The following GRM6 variants were observed in gnomAD, a reference collection of about 807,000 sequenced individuals.
The protein encoded by GRM6 is metabotropic glutamate receptor 6.
GRM6 carries 73 observed loss-of-function variants against 78.4 expected under a neutral mutation model. The ratio of observed to expected loss-of-function variants is 0.93; its 90% CI spans 0.77 to 1.13. GRM6 has a LOEUF of 1.13. Among genes scored for constraint, GRM6 ranks in the 50% most tolerant of loss-of-function variants. The pLI, the probability that GRM6 is intolerant of heterozygous loss-of-function variation, is 0.00. For synonymous variants in GRM6, 580 were observed against 555.0 expected (o/e 1.05, Z -0.63); for missense variants, 1,251 against 1,256.4 (o/e 1.00, Z 0.07).
rs1236861440 is a variant in GRM6, at chr5:178,991,864, C to T, written c.721+3G>A. ...CCTTGGTGCCTCGGAGCCCCCAGCTCACCAGCCTCTCGGGAGATCTGAACG... is the reference window on the plus strand; with the variant it reads ...CCTTGGTGCCTCGGAGCCCCCAGCTTACCAGCCTCTCGGGAGATCTGAACG... On this transcript the variant is annotated splice_donor_region_variant and intron_variant, in intron 3 of 10. Transcript: ENST00000517717. The surrounding 1 kb of genome is among the most constrained non-coding windows in gnomAD (Gnocchi z 5.0). The T allele has an allele frequency of 6.2e-7, 1 of 1,612,654 alleles. No homozygotes were observed. Among genetic ancestry groups the T allele is most frequent in the Non-Finnish European group, 8.5e-7 (1 of 1,178,976 alleles).
chr5:178,987,100 A>C, intron 7 of GRM6, 117 bp from the exon 8 acceptor site: 1 of 1,056,618 alleles, frequency 9.5e-7, no homozygotes, highest in Non-Finnish European at 1.4e-6. Context: ...ACTGCTCATA[A>C]GGGACGTGCA....
Position 178,990,648 on chromosome 5 carries a change from A to G in GRM6, c.956T>C (p.Leu319Pro). 6.2e-7 allele frequency: 1 copy of G among 1,612,086 alleles called. No homozygotes were observed. The highest frequency in any genetic ancestry group is 8.5e-7 in the Non-Finnish European group (1 of 1,179,464). Residue 319 changes from leucine to proline, a missense_variant, in exon 5 of 11, where the codon CTG becomes CCG. By Grantham distance (98) the Leu-to-Pro change is moderately conservative. Coordinates refer to ENST00000517717, the MANE Select transcript of GRM6 (RefSeq NM_000843.4). Reference sequence around the variant, plus strand: ...GATGGCCCCAACGGCCACGTCCTCCAGGCTCAAGATGGGTGAGGTCTTGGC... The same window carrying G: ...GATGGCCCCAACGGCCACGTCCTCCGGGCTCAAGATGGGTGAGGTCTTGGC... Reference protein sequence around the residue: ...WGAKTSPILSLEDVAVGAITI... With the variant: ...WGAKTSPILSPEDVAVGAITI...
rs1414276253 is a variant in GRM6 at position 178,989,349 on chromosome 5, A to G, written c.1069T>C (p.Phe357Leu). Residue 357 changes from phenylalanine (F) to leucine (L), a missense_variant, in exon 6 of 11, where the codon TTC becomes CTC. By Grantham distance (22) the Phe-to-Leu change is conservative. Transcript: ENST00000517717. The stretch of plus-strand genomic sequence containing the variant: ...AAATTCTCTTCCCAGAACTCGGCGA[A>G]CCAGATGTTCCTGCGGTTGTTCTCC... ...SLENNRRNIW[F>L]AEFWEENFNC... 1 of 1,614,018 alleles carries G rather than the reference A, an allele frequency of 6.2e-7. No individual in the cohort carries two copies. Among genetic ancestry groups the G allele is most frequent in the East Asian group, 2.2e-5 (1 of 44,872 alleles).
intron 7 of GRM6, chr5:178,987,352 T>C (rs1467707795): frequency 2.1e-6 from 1 of 477,964 alleles, no homozygotes; most frequent in Admixed American, 2.3e-5. Flanking sequence ...CAAGAAATGC[T>C]TGTACAGCCA....
At position 178,991,479 on chromosome 5, in the gene GRM6, T is replaced by G. The variant is rs762275399; in HGVS notation, c.802A>C (p.Met268Leu). The change falls in exon 4 of 11, where the codon ATG becomes CTG. Residue 268 changes from methionine to leucine, a missense_variant. Transcript: ENST00000517717. This position sits in a 1 kb window ranked among gnomAD's most constrained non-coding sequence, Gnocchi z 5.0. Reference protein sequence around the residue: ...GEFSKVIRRLMETPNARGIII... With the variant: ...GEFSKVIRRLLETPNARGIII... ...ATGCCCCGGGCGTTGGGCGTCTCCATGAGTCTCCTGATCACCTTGCTGAAC... is the reference window on the plus strand; with the variant it reads ...ATGCCCCGGGCGTTGGGCGTCTCCAGGAGTCTCCTGATCACCTTGCTGAAC... 1.9e-6 allele frequency: 3 copies of G among 1,613,126 alleles called. No individual in the cohort carries two copies. The highest frequency in any genetic ancestry group is 2.5e-6 in the Non-Finnish European group (3 of 1,179,366).
chr5:178,985,566 G>C (rs369274578), intron 9 of GRM6: 2 of 339,340 alleles, frequency 5.9e-6, no homozygotes, highest in Admixed American at 4.0e-5. Flanking sequence ...AGCCGGGCGT[G>C]GTGGCGGGCG....
chr5:178,995,082 C>T lies in GRM6; in HGVS notation c.-16-122G>A, dbSNP rs1078978. ...GGCGCTCGGGGCGCGCCTTCCACTT[C>T]GGCTCTGGGGAGTTAGCTCAGCCGG... On this transcript the variant is annotated intron_variant, in intron 1 of 10. Coordinates refer to ENST00000517717, the MANE Select transcript of GRM6 (RefSeq NM_000843.4). The T allele has an allele frequency of 0.37, 163,901 of 437,462 alleles. 32,347 individuals carry two copies. Among genetic ancestry groups the T allele is most frequent in the African/African-American group, 0.51 (23,931 of 46,848 alleles). 27.1% of individuals were successfully genotyped at this position (437,462 alleles called of 1,614,324 possible). A position where few individuals can be genotyped will look rare whatever the true frequency, so the allele number is the denominator to read the frequency against.
intron 5 of GRM6, among the ~76,000 whole-genome samples, chr5:178,990,311 CT>C (rs1271421046): frequency 1.3e-5 from 2 of 152,200 alleles, no homozygotes; most frequent in African/African-American, 4.8e-5. Flanking sequence ...ATTAGAATGT[CT>C]TTGGCAGCAC....
chr5:178,987,492 G>A (rs1288395235), intron 7 of GRM6: 1 of 455,526 alleles, frequency 2.2e-6, no homozygotes. Flanking sequence ...AAGGAAGGCA[G>A]TTCTGACCCA....
At chr5:178,989,675 C>T in intron 5 of GRM6, 1 of 556,650 alleles carries the variant, frequency 1.8e-6, no homozygotes. Flanking sequence ...CAGGGTAGCA[C>T]TTACATGCTG....
chr5:178,992,005 G>A lies in GRM6; in HGVS notation c.583C>T (p.Pro195Ser). The part of the protein sequence containing the change: ...TRYDFFSRVV[P>S]PDSYQAQAMV... ...GCCTGCGCCTGGTAGGAGTCGGGTGGCACCACCCGGGAGAAGAAGTCATAG... is the reference window on the plus strand; with the variant it reads ...GCCTGCGCCTGGTAGGAGTCGGGTGACACCACCCGGGAGAAGAAGTCATAG... Residue 195 changes from proline to serine, a missense_variant, in exon 3 of 11, where the codon CCA becomes TCA. Transcript: ENST00000517717. This position sits in a 1 kb window ranked among gnomAD's most constrained non-coding sequence, Gnocchi z 4.9. 1 of 1,614,106 alleles carries A rather than the reference G, an allele frequency of 6.2e-7. No individual in the cohort carries two copies. Among genetic ancestry groups the A allele is most frequent in the Non-Finnish European group, 8.5e-7 (1 of 1,179,976 alleles).
Position 178,991,560 on chromosome 5 carries a change from C to G in GRM6, c.722-1G>C. On this transcript the variant is annotated splice_acceptor_variant, in intron 3 of 10. Coordinates refer to ENST00000517717, the MANE Select transcript of GRM6 (RefSeq NM_000843.4). LOFTEE classifies it high-confidence loss of function. The surrounding 1 kb of genome is among the most constrained non-coding windows in gnomAD (Gnocchi z 5.0). ...ATAGACTGGGCAATACAGACCCCCCCTGGGCGTTGGGGGTGCCAGAGTCAG... is the reference window on the plus strand; with the variant it reads ...ATAGACTGGGCAATACAGACCCCCCGTGGGCGTTGGGGGTGCCAGAGTCAG... 6.2e-7 allele frequency: 1 copy of G among 1,613,894 alleles called. No individual in the cohort carries two copies. Among genetic ancestry groups the G allele is most frequent in the Non-Finnish European group, 8.5e-7 (1 of 1,179,854 alleles).
intron 9 of GRM6, chr5:178,985,613 GA>G: frequency 2.8e-6 from 1 of 357,782 alleles, no homozygotes; most frequent in Non-Finnish European, 5.5e-6. Context: ...TGAGGCAGGA[GA>G]ATGGCGTGAA....
intron 5 of GRM6, chr5:178,990,216 G>A: frequency 3.2e-6 from 1 of 312,450 alleles, no homozygotes; most frequent in Admixed American, 4.1e-5. Flanking sequence ...AGGTAGGACT[G>A]GGGGTGCAGG....
At chr5:178,990,559 G>A in intron 5 of GRM6, 33 bp downstream of exon 5, 1 of 1,580,542 alleles carries the variant, frequency 6.3e-7, no homozygotes, top group Middle Eastern at 1.7e-4. Context: ...GGGGAGACGT[G>A]TGGGGTGGGG....
In GRM6 at chr5:178,984,179, GA is replaced by G. The variant is rs1218573051; in HGVS notation, c.2125-959del. ...TCCTACTAGAACAAGGCTCCAGGTG[GA>G]AAAAAAAAAAGTTGCTCATGAGAAA... On this transcript the variant is annotated intron_variant, in intron 9 of 10. Transcript: ENST00000517717. 2.9e-4 allele frequency among the ~76,000 whole-genome samples: 43 copies of G among 147,702 alleles called. No individual in the cohort carries two copies. The Middle Eastern group carries it at 0.011, about 36-fold the overall frequency.
Position 178,994,973 on chromosome 5 carries a change from A to G in GRM6, c.-16-13T>C. On this transcript the variant is annotated splice_polypyrimidine_tract_variant and intron_variant, in intron 1 of 10. Transcript: ENST00000517717. ...CTCGTCTAGCGGGCTGCGGGGAGAC[A>G]GAGGGGCGGGGAGCGCTCTGAGGGC... is the stretch of plus-strand genomic sequence containing the variant. The G allele has an allele frequency of 1.8e-6, 2 of 1,137,450 alleles. No homozygotes were observed. The highest frequency in any genetic ancestry group is 4.3e-5 in the East Asian group (1 of 23,420). 70.5% of individuals were successfully genotyped at this position (1,137,450 alleles called of 1,614,324 possible).
intron 2 of GRM6, among the ~76,000 whole-genome samples, chr5:178,993,113 T>C (rs1049895450): frequency 6.6e-6 from 1 of 152,186 alleles, no homozygotes; most frequent in Admixed American, 6.5e-5. Context: ...GGGAAATGAA[T>C]GTAGTTCTTT....
intron 10 of GRM6, among the ~76,000 whole-genome samples, chr5:178,982,334 T>C (rs1264033518): frequency 6.6e-6 from 1 of 152,046 alleles, no homozygotes; most frequent in Non-Finnish European, 1.5e-5. Flanking sequence ...TCCCAGCACT[T>C]TGGGAGGCCG....
Sources: allele counts gnomAD v4.1 joint callset (sites outside exome capture counted in the v4.1 genomes callset), GRCh38; gene constraint gnomAD v4.1.1; non-coding constraint Gnocchi (gnomAD v3.1); transcripts MANE v1.5; gene names NCBI Gene and HGNC (gene_info 2026-07-23, HGNC 2026-07-21).